IL1RAPL1: variants seen among roughly 807,000 people sequenced by gnomAD.
IL1RAPL1 encodes the protein interleukin-1 receptor accessory protein-like 1.
In IL1RAPL1, 3 loss-of-function variants were observed where a neutral mutation model predicts 48.4. The ratio of observed to expected loss-of-function variants is 0.06; its 90% confidence interval spans 0.03 to 0.16. The LOEUF (loss-of-function observed/expected upper bound fraction) is 0.16. IL1RAPL1 is among the 10% of genes least tolerant of loss of function. The pLI is 1.00. For missense variants in IL1RAPL1, 349 were observed against 530.6 expected (o/e 0.66, Z 3.36); for synonymous variants, 185 against 187.7 (o/e 0.99, Z 0.12).
chrX:29,280,456 A>G (rs932572344), intron 2 of IL1RAPL1, among the ~76,000 whole-genome samples: 26 of 112,365 alleles, frequency 2.3e-4, no homozygotes, highest in African/African-American at 8.4e-4. Flanking sequence ...AAAAAACAAT[A>G]TGTGACAGTA....
chrX:29,858,239 G>A (rs1931512577), intron 6 of IL1RAPL1, among the ~76,000 whole-genome samples: 1 of 111,623 alleles, frequency 9.0e-6, no homozygotes. Flanking sequence ...AGGGTGGTAT[G>A]GATCAATACA....
At chrX:29,313,253 CTGTGTGTGTGTGTGTG>C (rs35894909) in intron 3 of IL1RAPL1, among the ~76,000 whole-genome samples, 6 of 90,797 alleles carry the variant, frequency 6.6e-5, no homozygotes, top group Non-Finnish European at 9.1e-5. Context: ...ACATACAAGC[CTGTGTGTGTGTGTGTG>C]TGTGTGTGTG....
At chrX:29,728,186 T>C (rs1022603275) in intron 6 of IL1RAPL1, among the ~76,000 whole-genome samples, 1 of 111,527 alleles carries the variant, frequency 9.0e-6, no homozygotes, top group Non-Finnish European at 1.9e-5. Context: ...TCCACCTGCC[T>C]TGGCCACCCA....
chrX:29,449,994 T>A (rs1934660846), intron 5 of IL1RAPL1, among the ~76,000 whole-genome samples: 1 of 110,868 alleles, frequency 9.0e-6, no homozygotes, highest in East Asian at 2.8e-4. Context: ...AATATTATTT[T>A]TAGCATTACT....
intron 5 of IL1RAPL1, among the ~76,000 whole-genome samples, chrX:29,556,467 G>C (rs1434156861): frequency 1.8e-5 from 2 of 110,586 alleles, no homozygotes; most frequent in East Asian, 5.7e-4. Context: ...AACCAACATA[G>C]TGAAACCCTG....
intron 5 of IL1RAPL1, among the ~76,000 whole-genome samples, chrX:29,438,208 C>T (rs188701687): frequency 5.4e-5 from 6 of 111,153 alleles, no homozygotes; most frequent in Admixed American, 3.8e-4. Context: ...TTGGTGTCTA[C>T]AGGGTCTATA....
intron 3 of IL1RAPL1, among the ~76,000 whole-genome samples, chrX:29,363,137 G>C (rs1282949110): frequency 9.0e-6 from 1 of 111,329 alleles, no homozygotes; most frequent in African/African-American, 3.3e-5. Context: ...TTCCCCTAAG[G>C]TCCCTGAAAA....
intron 6 of IL1RAPL1, among the ~76,000 whole-genome samples, chrX:29,779,587 C>A (rs954241368): frequency 2.7e-5 from 3 of 110,703 alleles, no homozygotes; most frequent in South Asian, 7.7e-4. Context: ...CATGTACGCC[C>A]TGAACCTAAA....
intron 2 of IL1RAPL1, among the ~76,000 whole-genome samples, chrX:28,918,526 A>G (rs767800314): frequency 4.5e-5 from 5 of 112,210 alleles, no homozygotes; most frequent in African/African-American, 1.6e-4. Context: ...TTGCTTCTCT[A>G]TTGGAGCAGC....
At chrX:28,674,194 T>C (rs1224290094) in intron 1 of IL1RAPL1, among the ~76,000 whole-genome samples, 1 of 111,401 alleles carries the variant, frequency 9.0e-6, no homozygotes, top group East Asian at 2.8e-4. Flanking sequence ...TTTTATCTCA[T>C]CACATTTTTC....
chrX:28,596,928 C>T (rs185836132), intron 1 of IL1RAPL1, among the ~76,000 whole-genome samples: 1 of 110,993 alleles, frequency 9.0e-6, no homozygotes, highest in Admixed American at 9.6e-5. Flanking sequence ...GCTCAAGAAA[C>T]GTTCAGGACA....
At chrX:28,661,736 T>C (rs1355435825) in intron 1 of IL1RAPL1, among the ~76,000 whole-genome samples, 3 of 111,890 alleles carry the variant, frequency 2.7e-5, no homozygotes, top group Non-Finnish European at 5.6e-5. Flanking sequence ...TCACATTTGA[T>C]ACCCAGTGGA....
Position 28,941,735 on chromosome X carries a change from G to A in IL1RAPL1, c.82+152310G>A, listed in dbSNP as rs758693136. Reference sequence around the variant, plus strand: ...ACACTTTCTTCTCATGCTCAAGAGGGTGATTACATCATTTGCATAGATGTC... The same window carrying A: ...ACACTTTCTTCTCATGCTCAAGAGGATGATTACATCATTTGCATAGATGTC... On this transcript the variant is annotated intron_variant, in intron 2 of 10. Transcript: ENST00000378993. Among the ~76,000 whole-genome samples the A allele has an allele frequency of 3.4e-3, 379 of 111,095 alleles. 3 individuals are homozygous for A. Among genetic ancestry groups the A allele is most frequent in the African/African-American group, 0.011 (343 of 30,815 alleles).
At chrX:29,405,369 TTTATTTA>T (rs1326001926) in intron 5 of IL1RAPL1, among the ~76,000 whole-genome samples, 1 of 100,451 alleles carries the variant, frequency 1.0e-5, no homozygotes, top group African/African-American at 4.5e-5. Flanking sequence ...TCTTTATTTA[TTTATTTA>T]TTTTTTTTGA....
At chrX:29,509,308 A>T (rs906517257) in intron 5 of IL1RAPL1, among the ~76,000 whole-genome samples, 2 of 112,012 alleles carry the variant, frequency 1.8e-5, no homozygotes, top group African/African-American at 6.5e-5. Flanking sequence ...CACCCAGATT[A>T]TCCAGGCTAA....
intron 2 of IL1RAPL1, among the ~76,000 whole-genome samples, chrX:29,100,121 A>T (rs1265004142): frequency 1.8e-5 from 2 of 111,286 alleles, no homozygotes; most frequent in Non-Finnish European, 3.8e-5. Context: ...CTGAGGCAGG[A>T]GAATCACTTG....
intron 3 of IL1RAPL1, among the ~76,000 whole-genome samples, chrX:29,367,427 A>G (rs766526283): frequency 9.0e-6 from 1 of 111,593 alleles, no homozygotes; most frequent in Non-Finnish European, 1.9e-5. Flanking sequence ...TAAGAGTCAT[A>G]TATCCAAATC....
intron 2 of IL1RAPL1, among the ~76,000 whole-genome samples, chrX:29,105,683 A>C (rs1928433409): frequency 8.9e-6 from 1 of 111,830 alleles, no homozygotes; most frequent in Admixed American, 9.5e-5. Flanking sequence ...TTCACCACAG[A>C]ACAAGTGCTT....
chrX:29,501,318 A>T (rs1174337531), intron 5 of IL1RAPL1, among the ~76,000 whole-genome samples: 1 of 110,623 alleles, frequency 9.0e-6, no homozygotes, highest in Non-Finnish European at 1.9e-5. Flanking sequence ...CCATTTGTCT[A>T]CTTTTGCTAC....
Sources: allele counts gnomAD v4.1 joint callset (sites outside exome capture counted in the v4.1 genomes callset), GRCh38; gene constraint gnomAD v4.1.1; transcripts MANE v1.5; gene names NCBI Gene and HGNC (gene_info 2026-07-23, HGNC 2026-07-21).